Variants in ABLIM1 observed in about 807,000 individuals in gnomAD.
ABLIM1 encodes actin-binding LIM protein 1.
Under a neutral mutation model 107.0 loss-of-function variants are expected in ABLIM1, and 40 were observed. That is an observed-to-expected ratio of 0.37 (90% CI 0.29 to 0.49). ABLIM1 has a LOEUF of 0.49. ABLIM1 is among the 20% of genes least tolerant of loss of function. The probability of loss-of-function intolerance (pLI) is 0.97; values close to 1 mark genes in which losing one functional copy is unlikely to be tolerated. For missense variants in ABLIM1, 857 were observed against 1,008.5 expected, an observed-to-expected ratio of 0.85 and a Z score of 2.04; for synonymous variants, 357 against 357.3, an observed-to-expected ratio of 1.00 and a Z score of 0.01.
intron 4 of ABLIM1, among the ~76,000 whole-genome samples, chr10:114,553,937 C>T (rs556189905): frequency 6.6e-6 from 1 of 152,268 alleles, no homozygotes; most frequent in African/African-American, 2.4e-5. Context: ...ATGGTACCCA[C>T]ACCCCAGCAT....
intron 1 of ABLIM1, among the ~76,000 whole-genome samples, chr10:114,760,240 T>C (rs1476504772): frequency 1.3e-5 from 2 of 152,182 alleles, no homozygotes; most frequent in Non-Finnish European, 2.9e-5. Flanking sequence ...ATTGTCTTGC[T>C]TGCTGTTAAG....
intron 1 of ABLIM1, among the ~76,000 whole-genome samples, chr10:114,648,578 G>A (rs935483291): frequency 1.1e-4 from 16 of 152,166 alleles, no homozygotes; most frequent in Admixed American, 2.0e-4. Context: ...TTTCTGGGCT[G>A]ATAAAAATGC....
At chr10:114,704,298 C>A (rs1393375820) in intron 1 of ABLIM1, among the ~76,000 whole-genome samples, 307 of 28,524 alleles carry the variant, frequency 0.011, no homozygotes, top group South Asian at 0.032. Context: ...CTCTCTCTCT[C>A]TCTCTATATA....
At chr10:114,523,102 G>A (rs2064015566) in intron 6 of ABLIM1, among the ~76,000 whole-genome samples, 1 of 152,170 alleles carries the variant, frequency 6.6e-6, no homozygotes, top group Non-Finnish European at 1.5e-5. Flanking sequence ...AGTGAGCCAA[G>A]ATTGCACCAC....
chr10:114,627,248 A>G (rs927552118), intron 1 of ABLIM1, among the ~76,000 whole-genome samples: 2 of 151,888 alleles, frequency 1.3e-5, no homozygotes, highest in Non-Finnish European at 2.9e-5. Flanking sequence ...TTCTCTTTTC[A>G]TTTCAATTTA....
rs200492761 is a variant in ABLIM1, at chr10:114,732,094, T to G, written c.-213+35967A>C. Among the ~76,000 whole-genome samples the G allele has an allele frequency of 9.8e-4, 108 of 110,760 alleles. 3 individuals are homozygous for G. In the East Asian group the frequency reaches 0.026, roughly 26 times the overall value. The allele number at this position is 110,760 out of a possible 152,430, so 72.7% of individuals were successfully genotyped here. A position where few individuals can be genotyped will look rare whatever the true frequency, so the allele number is the denominator to read the frequency against. ...TATATTCTCATCAACACTTGTATTC[T>G]CTGTCTTTTTTTTATTACAACCATC... On this transcript the variant is annotated intron_variant, in intron 1 of 15. Coordinates refer to the ABLIM1 transcript ENST00000651092.
Position 114,495,911 on chromosome 10 carries a change from C to T in ABLIM1, c.895-4033G>A, listed in dbSNP as rs570353734. The stretch of plus-strand genomic sequence containing the variant: ...TCTTACCCAGTACCACCACTAATAA[C>T]CATACAGTATGTCACTGCTGTAACT... On this transcript the variant is annotated intron_variant, in intron 6 of 22. Transcript: ENST00000533213. Among the ~76,000 whole-genome samples the T allele has an allele frequency of 8.5e-5, 13 of 152,266 alleles. No individual in the cohort carries two copies. In the South Asian group the frequency reaches 2.5e-3, roughly 29 times the overall value.
intron 6 of ABLIM1, among the ~76,000 whole-genome samples, chr10:114,540,680 T>C (rs545237259): frequency 4.1e-4 from 63 of 152,288 alleles, no homozygotes; most frequent in African/African-American, 1.5e-3. Context: ...TCCAGTGACC[T>C]TTCTCTTTCT....
intron 6 of ABLIM1, among the ~76,000 whole-genome samples, chr10:114,510,897 C>T (rs1223529442): frequency 4.6e-5 from 7 of 151,944 alleles, no homozygotes; most frequent in East Asian, 3.9e-4. Context: ...AGGGATCACC[C>T]GCCTCAGTCT....
At chr10:114,641,971 C>T (rs1566162137) in intron 1 of ABLIM1, among the ~76,000 whole-genome samples, 2 of 152,192 alleles carry the variant, frequency 1.3e-5, no homozygotes, top group East Asian at 1.9e-4. Context: ...CAGCCTCAAC[C>T]TCCAAGGCTC....
At chr10:114,789,616 T>G in the ABLIM1 span, among the ~76,000 whole-genome samples, 1 of 152,200 alleles carries the variant, frequency 6.6e-6, no homozygotes, top group Non-Finnish European at 1.5e-5. Flanking sequence ...TAACAGCCAT[T>G]CTGACTGGTG....
intron 4 of ABLIM1, among the ~76,000 whole-genome samples, chr10:114,562,785 A>G (rs1022185841): frequency 1.3e-5 from 2 of 152,166 alleles, no homozygotes; most frequent in Non-Finnish European, 2.9e-5. Context: ...GATGGTATCA[A>G]TTCACTCACT....
At chr10:114,443,786 G>A (rs888261080) in intron 17 of ABLIM1, among the ~76,000 whole-genome samples, 2 of 151,952 alleles carry the variant, frequency 1.3e-5, no homozygotes, top group Non-Finnish European at 2.9e-5. Context: ...TAGTATATGG[G>A]GATTGGCCTT....
At chr10:114,450,211 TAA>T (rs397759195) in intron 14 of ABLIM1, 11 of 142,472 alleles carry the variant, frequency 7.7e-5, no homozygotes, top group South Asian at 3.1e-4. Flanking sequence ...CAATAAACCA[TAA>T]AAAAAAAAAA....
Position 114,658,237 on chromosome 10 carries a change from T to G in ABLIM1, c.-37A>C, listed in dbSNP as rs758229866. ...TTTCCAAGCAATGAGAAATGGGGAG[T>G]GGGGACCCAAGGAGCGGTGCTGCCC... On this transcript the variant is annotated 5_prime_UTR_variant, in exon 1 of 23. Coordinates refer to ENST00000533213, the MANE Select transcript of ABLIM1 (RefSeq NM_002313.7). 1 of 1,580,210 alleles carries G rather than the reference T, an allele frequency of 6.3e-7. No individual in the cohort carries two copies. The highest frequency in any genetic ancestry group is 8.6e-7 in the Non-Finnish European group (1 of 1,159,344).
chr10:114,690,307 A>G lies in ABLIM1; in HGVS notation c.-213+77754T>C. 3 of 1,592,906 alleles carry G rather than the reference A, an allele frequency of 1.9e-6. 1 individual carries two copies. In the South Asian group the frequency reaches 3.3e-5, roughly 18 times the overall value. ...TCACTCTTGGCAGTGCAGATGAAAA[A>G]CTGGGAACCGTTTGTGTTGGGTCCA... On this transcript the variant is annotated intron_variant, in intron 1 of 15. Coordinates refer to the ABLIM1 transcript ENST00000651092.
At chr10:114,692,783 A>G (rs1049629694) in intron 1 of ABLIM1, among the ~76,000 whole-genome samples, 10 of 152,142 alleles carry the variant, frequency 6.6e-5, no homozygotes, top group Admixed American at 5.2e-4. Flanking sequence ...CCAGCTATTC[A>G]GGAGGCTGAG....
In ABLIM1 at chr10:114,558,430, C is replaced by T. The variant is rs569362344; in HGVS notation, c.674-10654G>A. Among the ~76,000 whole-genome samples the T allele has an allele frequency of 2.4e-4, 37 of 152,192 alleles. 1 individual carries two copies. The highest frequency in any genetic ancestry group is 2.1e-3 in the Admixed American group (32 of 15,292). ...CCCAGAAGTATCAGAATTGAGAGTC[C>T]GAGAACTTCTGCTAATGACGTTCGC... On this transcript the variant is annotated intron_variant, in intron 4 of 22. Coordinates refer to ENST00000533213, the MANE Select transcript of ABLIM1 (RefSeq NM_002313.7).
chr10:114,593,525 G>A (rs777509398), intron 2 of ABLIM1, among the ~76,000 whole-genome samples: 47 of 152,146 alleles, frequency 3.1e-4, no homozygotes, highest in Admixed American at 7.2e-4. Flanking sequence ...AAGAGCTGAG[G>A]AAACCTGAGC....
Sources: allele counts gnomAD v4.1 joint callset (sites outside exome capture counted in the v4.1 genomes callset), GRCh38; gene constraint gnomAD v4.1.1; transcripts MANE v1.5; gene names NCBI Gene and HGNC (gene_info 2026-07-23, HGNC 2026-07-21).